The following PDZRN4 variants were observed in gnomAD, a reference collection of about 807,000 sequenced individuals.
PDZRN4 encodes PDZ domain-containing RING finger protein 4.
A neutral mutation model predicts 99.0 loss-of-function variants in PDZRN4; 70 were observed. That is an observed-to-expected ratio of 0.71 (90% CI 0.58 to 0.86). The LOEUF is 0.86. PDZRN4 is among the 40% of genes least tolerant of loss of function. The pLI is 0.00. For missense variants in PDZRN4, 1,474 were observed against 1,331.2 expected, an observed-to-expected ratio of 1.11 and a Z score of -1.67; for synonymous variants, 551 against 501.6, an observed-to-expected ratio of 1.10 and a Z score of -1.32.
intron 3 of PDZRN4, among the ~76,000 whole-genome samples, chr12:41,376,269 T>C (rs1046278829): frequency 1.5e-4 from 23 of 152,138 alleles, no homozygotes; most frequent in African/African-American, 5.5e-4. Flanking sequence ...GATCATATGG[T>C]AATTCTATTT....
rs564000134 is a variant in PDZRN4, at chr12:41,511,598, A to T, written c.1203+1685A>T. 3.5e-4 allele frequency among the ~76,000 whole-genome samples: 53 copies of T among 152,266 alleles called. No homozygotes were observed. The East Asian group carries it at 9.1e-3, about 26-fold the overall frequency. ...TGACAGTTTTCAATCATTAGAAAGG[A>T]TGCATTTGAGAACAACATGCATGGT... On this transcript the variant is annotated intron_variant, in intron 5 of 9. Coordinates refer to ENST00000402685, the MANE Select transcript of PDZRN4 (RefSeq NM_001164595.2).
intron 3 of PDZRN4, chr12:41,460,021 G>C: frequency 7.8e-7 from 1 of 1,288,436 alleles, no homozygotes; most frequent in South Asian, 1.2e-5. Context: ...CTGATGGAGA[G>C]TATGTGTGGG....
At chr12:41,557,115 T>C (rs998885854) in intron 7 of PDZRN4, among the ~76,000 whole-genome samples, 4 of 132,194 alleles carry the variant, frequency 3.0e-5, no homozygotes, top group Non-Finnish European at 4.6e-5. Flanking sequence ...GCCACCACTG[T>C]ACTCCAGCCT....
chr12:41,251,110 A>G (rs1222048837), intron 3 of PDZRN4, among the ~76,000 whole-genome samples: 1 of 152,128 alleles, frequency 6.6e-6, no homozygotes, highest in Non-Finnish European at 1.5e-5. Context: ...TTCCATTAAA[A>G]GCTCTGTTTT....
intron 3 of PDZRN4, among the ~76,000 whole-genome samples, chr12:41,401,406 T>C (rs10785263): frequency 0.39 from 59,979 of 151,978 alleles, 12,043 homozygotes; most frequent in South Asian, 0.45. Flanking sequence ...AAGTTGCACT[T>C]ACATTGTGCT....
intron 8 of PDZRN4, among the ~76,000 whole-genome samples, chr12:41,567,445 C>T (rs576039606): frequency 6.6e-6 from 1 of 152,250 alleles, no homozygotes; most frequent in South Asian, 2.1e-4. Context: ...GTCCTTTTAA[C>T]ACGGGACTGT....
At position 41,197,096 on chromosome 12, in the gene PDZRN4, G is replaced by A. The variant is rs201906060; in HGVS notation, c.843+2908G>A. On this transcript the variant is annotated intron_variant, in intron 3 of 9. Coordinates refer to ENST00000402685, the MANE Select transcript of PDZRN4 (RefSeq NM_001164595.2). The stretch of plus-strand genomic sequence containing the variant: ...TAAGAGATTCTATGGTTTATATATA[G>A]TCAAGATATGCTCAAAAATATTTTC... Among the ~76,000 whole-genome samples, 6 of 152,140 alleles carry A rather than the reference G, an allele frequency of 3.9e-5. No individual in the cohort carries two copies. In the East Asian group the frequency reaches 5.8e-4, roughly 15 times the overall value.
chr12:41,253,237 C>A (rs1165806826), intron 3 of PDZRN4, among the ~76,000 whole-genome samples: 1 of 152,050 alleles, frequency 6.6e-6, no homozygotes, highest in Non-Finnish European at 1.5e-5. Flanking sequence ...ACAAAAAAAT[C>A]TTTGCCTAGC....
chr12:41,397,783 T>G (rs969488362), intron 3 of PDZRN4, among the ~76,000 whole-genome samples: 1 of 152,284 alleles, frequency 6.6e-6, no homozygotes, highest in African/African-American at 2.4e-5. Context: ...GAACTAATAA[T>G]ACTTTTATTA....
At chr12:41,284,300 A>G (rs1388855030) in intron 3 of PDZRN4, among the ~76,000 whole-genome samples, 1 of 152,204 alleles carries the variant, frequency 6.6e-6, no homozygotes, top group Non-Finnish European at 1.5e-5. Flanking sequence ...AATACAACTT[A>G]CAAGGGATGT....
chr12:41,192,166 C>A (rs73117077), intron 2 of PDZRN4, among the ~76,000 whole-genome samples: 8,191 of 152,126 alleles, frequency 0.054, 371 homozygotes, highest in African/African-American at 0.12. Flanking sequence ...AGTGCAGTAG[C>A]GTGATCTCAG....
chr12:41,414,217 C>T (rs150040542), intron 3 of PDZRN4, among the ~76,000 whole-genome samples: 1 of 152,204 alleles, frequency 6.6e-6, no homozygotes, highest in East Asian at 1.9e-4. Context: ...CATGACCTGA[C>T]CTTTTTCTCT....
At chr12:41,197,760 C>T (rs1160895847) in intron 3 of PDZRN4, among the ~76,000 whole-genome samples, 3 of 152,072 alleles carry the variant, frequency 2.0e-5, no homozygotes, top group South Asian at 4.2e-4. Flanking sequence ...GGGCACAATT[C>T]TGGAAGAAGG....
chr12:41,469,823 G>A (rs983116691), intron 3 of PDZRN4, among the ~76,000 whole-genome samples: 7 of 152,132 alleles, frequency 4.6e-5, no homozygotes, highest in Non-Finnish European at 1.0e-4. Flanking sequence ...CCAGCTACTT[G>A]GGAGGCTGAG....
In PDZRN4 at chr12:41,464,956, C is replaced by A. The variant is rs572418271; in HGVS notation, c.844-41500C>A. On this transcript the variant is annotated intron_variant, in intron 3 of 9. Transcript: ENST00000402685. ...TCTCCTGCCTCAGCCTTCCTAGTAGCTGGGATTACGAGTGCCTGTCACCAC... is the reference window on the plus strand; with the variant it reads ...TCTCCTGCCTCAGCCTTCCTAGTAGATGGGATTACGAGTGCCTGTCACCAC... Among the ~76,000 whole-genome samples, 6 of 151,708 alleles carry A rather than the reference C, an allele frequency of 4.0e-5. No individual in the cohort carries two copies. The South Asian group carries it at 1.2e-3, about 32-fold the overall frequency.
At chr12:41,368,379 C>A (rs1269232243) in intron 3 of PDZRN4, among the ~76,000 whole-genome samples, 1 of 152,096 alleles carries the variant, frequency 6.6e-6, no homozygotes, top group Non-Finnish European at 1.5e-5. Context: ...TCCCCCCAAG[C>A]ACACCTAATA....
chr12:41,567,619 T>G (rs77130123), intron 8 of PDZRN4, among the ~76,000 whole-genome samples, 164 bp from the exon 9 acceptor site: 1 of 146,228 alleles, frequency 6.8e-6, no homozygotes, highest in Non-Finnish European at 1.5e-5. Context: ...TTTTTTTTTT[T>G]ATCACCTTTT....
chr12:41,423,832 T>C (rs1952511980), intron 3 of PDZRN4, among the ~76,000 whole-genome samples: 1 of 152,154 alleles, frequency 6.6e-6, no homozygotes, highest in Admixed American at 6.6e-5. Flanking sequence ...AGATAGTTAA[T>C]ATATGAGGAT....
intron 3 of PDZRN4, among the ~76,000 whole-genome samples, chr12:41,308,478 A>C (rs1404975129): frequency 6.6e-6 from 1 of 152,174 alleles, no homozygotes; most frequent in African/African-American, 2.4e-5. Flanking sequence ...GAAAAAAGTG[A>C]GTCAGTTGGA....
Sources: gnomAD v4.1 joint callset for allele counts (sites outside exome capture counted in the v4.1 genomes callset) on GRCh38, gnomAD v4.1.1 for gene constraint, MANE v1.5 for transcripts, NCBI Gene and HGNC (gene_info 2026-07-23, HGNC 2026-07-21) for gene names.